Variants in DBX2 observed in about 807,000 individuals in gnomAD.
DBX2 encodes homeobox protein DBX2.
DBX2 carries 16 observed loss-of-function variants against 17.7 expected under a neutral mutation model. The ratio of observed to expected loss-of-function variants is 0.90; its 90% confidence interval spans 0.61 to 1.37. The LOEUF (loss-of-function observed/expected upper bound fraction) is 1.37. Among genes scored for constraint, DBX2 ranks in the 40% most tolerant of loss-of-function variants. DBX2 has a pLI of 0.00. For synonymous variants in DBX2, 255 were observed against 183.8 expected, an observed-to-expected ratio of 1.39 and a Z score of -3.13; for missense variants, 538 against 433.8, an observed-to-expected ratio of 1.24 and a Z score of -2.13.
chr12:45,050,930 T>C lies in DBX2; in HGVS notation c.-3A>G. The C allele has an allele frequency of 6.8e-7, 1 of 1,462,382 alleles. No homozygotes were observed. The highest frequency in any genetic ancestry group is 2.9e-5 in the East Asian group (1 of 34,250). 90.6% of individuals were successfully genotyped at this position (1,462,382 alleles called of 1,614,324 possible). On this transcript the variant is annotated 5_prime_UTR_variant, in exon 1 of 4. Coordinates refer to ENST00000332700, the MANE Select transcript of DBX2 (RefSeq NM_001004329.3). Reference sequence around the variant, plus strand: ...GCTGCGACCGCGCTGGGGAGCATAGTGCGGCGCCAACCGGTCTGCTGCGCG... The same window carrying C: ...GCTGCGACCGCGCTGGGGAGCATAGCGCGGCGCCAACCGGTCTGCTGCGCG...
At chr12:45,026,027 T>A (rs1946379469) in intron 2 of DBX2, among the ~76,000 whole-genome samples, 1 of 151,944 alleles carries the variant, frequency 6.6e-6, no homozygotes, top group Non-Finnish European at 1.5e-5. Flanking sequence ...CTTTTTTTGG[T>A]CTTAGCATGT....
At chr12:45,031,221 TGTGTGAGAGA>T (rs1164859701) in intron 2 of DBX2, among the ~76,000 whole-genome samples, 19 of 64,098 alleles carry the variant, frequency 3.0e-4, no homozygotes, top group African/African-American at 1.1e-3. Flanking sequence ...TGTGTGTGTG[TGTGTGAGAGA>T]GAGAGAGAGA....
At chr12:45,029,883 T>A (rs958602735) in intron 2 of DBX2, among the ~76,000 whole-genome samples, 5 of 118,090 alleles carry the variant, frequency 4.2e-5, no homozygotes, top group Non-Finnish European at 7.8e-5. Context: ...ATAATAAAAA[T>A]AAATAAATAA....
At chr12:45,048,521 T>C (rs1946512196) in intron 1 of DBX2, among the ~76,000 whole-genome samples, 1 of 152,196 alleles carries the variant, frequency 6.6e-6, no homozygotes, top group Non-Finnish European at 1.5e-5. Context: ...AATTTCATAA[T>C]TGTACACTGC....
At position 45,016,453 on chromosome 12, in the gene DBX2, G is replaced by T. The variant is rs1188471924; in HGVS notation, c.853C>A (p.Gln285Lys). ...PCPSIWDVPQQHSSPRWRENS... is the reference protein window; with the variant it reads ...PCPSIWDVPQKHSSPRWRENS... Reference sequence around the variant, plus strand: ...TCCCTCCATCTTGGACTTGAGTGCTGTTGGGGGACGTCCCATATTGAAGGA... The same window carrying T: ...TCCCTCCATCTTGGACTTGAGTGCTTTTGGGGGACGTCCCATATTGAAGGA... Residue 285 changes from glutamine to lysine, a missense_variant, in exon 4 of 4, where the codon CAG becomes AAG. Coordinates refer to ENST00000332700, the MANE Select transcript of DBX2 (RefSeq NM_001004329.3). 2 of 1,613,882 alleles carry T rather than the reference G, an allele frequency of 1.2e-6. No individual in the cohort carries two copies. The highest frequency in any genetic ancestry group is 1.7e-6 in the Non-Finnish European group (2 of 1,179,970).
chr12:45,032,342 C>A lies in DBX2; in HGVS notation c.499+3677G>T, dbSNP rs4627135. Among the ~76,000 whole-genome samples, 3 of 152,158 alleles carry A rather than the reference C, an allele frequency of 2.0e-5. 1 individual carries two copies. Among genetic ancestry groups the A allele is most frequent in the Admixed American group, 2.0e-4 (3 of 15,272 alleles). ...GCATCCCTCTGAAGATCTTACAGTGCTAAGATTAATCCTTATTTAAAAATT... is the reference window on the plus strand; with the variant it reads ...GCATCCCTCTGAAGATCTTACAGTGATAAGATTAATCCTTATTTAAAAATT... On this transcript the variant is annotated intron_variant, in intron 2 of 3. Coordinates refer to ENST00000332700, the MANE Select transcript of DBX2 (RefSeq NM_001004329.3).
intron 1 of DBX2, among the ~76,000 whole-genome samples, chr12:45,046,772 G>A (rs1592760647): frequency 6.6e-6 from 1 of 152,088 alleles, no homozygotes; most frequent in East Asian, 1.9e-4. Flanking sequence ...AAGAAAACTA[G>A]AGTGCACATT....
rs116476464 is a variant in DBX2, at chr12:45,035,168, C to T, written c.499+851G>A. 4.6e-3 allele frequency among the ~76,000 whole-genome samples: 706 copies of T among 152,370 alleles called. 5 individuals are homozygous for T. Among genetic ancestry groups the T allele is most frequent in the African/African-American group, 0.016 (669 of 41,582 alleles). On this transcript the variant is annotated intron_variant, in intron 2 of 3. Coordinates refer to ENST00000332700, the MANE Select transcript of DBX2 (RefSeq NM_001004329.3). ...CACAGAGGCAGCAGCGATCTGAATT[C>T]AACCGTGATGGGGTTCGGCACAAGA... is the stretch of plus-strand genomic sequence containing the variant.
chr12:45,016,377 G>T lies in DBX2; in HGVS notation c.929C>A (p.Pro310Gln). Residue 310 changes from proline (P) to glutamine (Q), a missense_variant, in exon 4 of 4, where the codon CCA (proline) becomes CAA (glutamine). Physicochemically the swap from Pro to Gln is moderately conservative, Grantham distance 76. Transcript: ENST00000332700. ...TTGCAGTGAATTTGCTTCTGGGGGT[G>T]GTGCCCCTGAACTCTCCTGGATTAG... ...ERLIQESSGAPPPEANSLQGA... is the reference protein window; with the variant it reads ...ERLIQESSGAQPPEANSLQGA... 1 of 1,613,478 alleles carries T rather than the reference G, an allele frequency of 6.2e-7. No individual in the cohort carries two copies. Among genetic ancestry groups the T allele is most frequent in the Non-Finnish European group, 8.5e-7 (1 of 1,179,822 alleles).
chr12:45,025,845 A>C (rs1946378591), intron 2 of DBX2, among the ~76,000 whole-genome samples: 1 of 149,700 alleles, frequency 6.7e-6, no homozygotes, highest in South Asian at 2.2e-4. Flanking sequence ...CAAGTATAAA[A>C]GAACAATACC....
intron 2 of DBX2, among the ~76,000 whole-genome samples, chr12:45,028,032 TAGA>T (rs1450527636): frequency 5.3e-5 from 8 of 152,210 alleles, no homozygotes; most frequent in Non-Finnish European, 8.8e-5. Flanking sequence ...GAGCAGCACC[TAGA>T]AGAACAGCAA....
At chr12:45,034,112 A>C (rs1946423051) in intron 2 of DBX2, among the ~76,000 whole-genome samples, 1 of 132,908 alleles carries the variant, frequency 7.5e-6, no homozygotes, top group South Asian at 3.2e-4. Context: ...AAATAAGTAC[A>C]CACACACACC....
intron 2 of DBX2, among the ~76,000 whole-genome samples, chr12:45,028,758 A>G (rs538793508): frequency 6.6e-6 from 1 of 152,342 alleles, no homozygotes; most frequent in Admixed American, 6.5e-5. Context: ...GTGCCCTATA[A>G]CAAACAAGAA....
chr12:45,024,305 C>T (rs964546024), intron 2 of DBX2, among the ~76,000 whole-genome samples: 2 of 152,216 alleles, frequency 1.3e-5, no homozygotes, highest in Middle Eastern at 3.2e-3. Context: ...TAAGGCCTCC[C>T]AGCCATGCTG....
At chr12:45,048,986 C>T (rs1442055557) in intron 1 of DBX2, among the ~76,000 whole-genome samples, 1 of 152,072 alleles carries the variant, frequency 6.6e-6, no homozygotes, top group African/African-American at 2.4e-5. Flanking sequence ...AAAGAATGTA[C>T]TTAGGAAAAC....
At chr12:45,022,922 C>A (rs1254572738) in intron 3 of DBX2, among the ~76,000 whole-genome samples, 1 of 152,166 alleles carries the variant, frequency 6.6e-6, no homozygotes, top group Non-Finnish European at 1.5e-5. Context: ...GAGCCTACCT[C>A]CAAAACCTCT....
chr12:45,024,033 T>G (rs1404703225), intron 2 of DBX2, 139 bp from the exon 3 acceptor site: 1 of 796,530 alleles, frequency 1.3e-6, no homozygotes, highest in Non-Finnish European at 1.8e-6. Flanking sequence ...AAAGCAGTAC[T>G]TCCTAACTTC....
chr12:45,033,207 C>A (rs1334516812), intron 2 of DBX2, among the ~76,000 whole-genome samples: 19 of 152,128 alleles, frequency 1.2e-4, no homozygotes, highest in Admixed American at 1.2e-3. Context: ...GGTTAAGAGT[C>A]AAAATTATAC....
intron 2 of DBX2, among the ~76,000 whole-genome samples, chr12:45,030,312 CCTGT>C (rs746910179): frequency 6.6e-6 from 1 of 152,166 alleles, no homozygotes; most frequent in Non-Finnish European, 1.5e-5. Context: ...GCAGCTCTGG[CCTGT>C]CTATCTACAC....
Sources: gnomAD v4.1 joint callset for allele counts (sites outside exome capture counted in the v4.1 genomes callset) on GRCh38, gnomAD v4.1.1 for gene constraint, MANE v1.5 for transcripts, NCBI Gene and HGNC (gene_info 2026-07-23, HGNC 2026-07-21) for gene names.